Variants in CDK6 observed in about 807,000 individuals in gnomAD.
CDK6 encodes cyclin dependent kinase 6.
CDK6 carries 6 observed loss-of-function variants against 37.1 expected under a neutral mutation model. That is an observed-to-expected ratio of 0.16 (90% CI 0.09 to 0.32). The LOEUF is 0.32. Among genes scored for constraint, CDK6 ranks in the 10% least tolerant of loss-of-function variants. The probability of loss-of-function intolerance (pLI) is 1.00; values close to 1 mark genes in which losing one functional copy is unlikely to be tolerated. For synonymous variants in CDK6, 160 were observed against 161.3 expected (o/e 0.99, Z 0.06); for missense variants, 224 against 418.9 (o/e 0.53, Z 4.06).
intron 5 of CDK6, among the ~76,000 whole-genome samples, chr7:92,624,839 CAGG>C (rs1795888906): frequency 6.6e-6 from 1 of 152,094 alleles, no homozygotes; most frequent in African/African-American, 2.4e-5. Context: ...ACAAAAATTC[CAGG>C]AGAAATGTAG....
Position 92,833,590 on chromosome 7 carries a change from G to GCGAGCCGAT in CDK6, c.-276_-268dup, listed in dbSNP as rs1378007598. The stretch of plus-strand genomic sequence containing the variant: ...CGCCGCCGCCGCCGCCGCCGGAGGA[G>GCGAGCCGAT]CGAGCCGATCCCTCCTCTTCCCTCC... On this transcript the variant is annotated 5_prime_UTR_variant, in exon 2 of 8. Coordinates refer to ENST00000424848, the MANE Select transcript of CDK6 (RefSeq NM_001145306.2). The surrounding 1 kb of genome is among the most constrained non-coding windows in gnomAD (Gnocchi z 6.1). 19 of 546,342 alleles carry GCGAGCCGAT rather than the reference G, an allele frequency of 3.5e-5. No homozygotes were observed. In the African/African-American group the frequency reaches 3.8e-4, roughly 11 times the overall value. The allele number at this position is 546,342 out of a possible 1,614,324, so 33.8% of individuals were successfully genotyped here. A position where few individuals can be genotyped will look rare whatever the true frequency, so the allele number is the denominator to read the frequency against.
chr7:92,651,113 C>A (rs1216498696), intron 5 of CDK6, among the ~76,000 whole-genome samples: 2 of 152,186 alleles, frequency 1.3e-5, no homozygotes, highest in Non-Finnish European at 2.9e-5. Context: ...TGGTCTCGAT[C>A]TCCTGACTTC....
intron 4 of CDK6, among the ~76,000 whole-genome samples, chr7:92,720,675 C>T (rs189809084): frequency 3.0e-4 from 45 of 152,308 alleles, no homozygotes; most frequent in African/African-American, 1.0e-3. Flanking sequence ...CCTGGCTCTG[C>T]TCTAAGACAT....
intron 2 of CDK6, among the ~76,000 whole-genome samples, chr7:92,798,960 T>A (rs1442565006): frequency 6.6e-6 from 1 of 152,170 alleles, no homozygotes; most frequent in East Asian, 1.9e-4. Context: ...GAACTGTGCC[T>A]CTCCACAATA....
intron 5 of CDK6, among the ~76,000 whole-genome samples, chr7:92,666,878 AC>A (rs1438310767): frequency 6.6e-6 from 1 of 152,236 alleles, no homozygotes; most frequent in African/African-American, 2.4e-5. Flanking sequence ...TTTAGAGTGT[AC>A]TACTACTTAT....
intron 3 of CDK6, among the ~76,000 whole-genome samples, chr7:92,745,582 A>G (rs1799039206): frequency 6.6e-6 from 1 of 152,222 alleles, no homozygotes; most frequent in South Asian, 2.1e-4. Flanking sequence ...AGAACTGATC[A>G]AATGTGGTAC....
At chr7:92,825,335 A>C (rs1173401319) in intron 2 of CDK6, among the ~76,000 whole-genome samples, 1 of 152,164 alleles carries the variant, frequency 6.6e-6, no homozygotes, top group Non-Finnish European at 1.5e-5. Flanking sequence ...GTCATTTAGA[A>C]ATACTTATTC....
Position 92,781,541 on chromosome 7 carries a change from G to A in CDK6, c.234-6710C>T, listed in dbSNP as rs529301854. On this transcript the variant is annotated intron_variant, in intron 2 of 7. Coordinates refer to ENST00000424848, the MANE Select transcript of CDK6 (RefSeq NM_001145306.2). ...ATTTCCAAAGATTACAATTTACAAA[G>A]GTCTCCCAAACAACATGCTTTGTAA... Among the ~76,000 whole-genome samples, 30 of 152,260 alleles carry A rather than the reference G, an allele frequency of 2.0e-4. No homozygotes were observed. In the East Asian group the frequency reaches 4.1e-3, roughly 21 times the overall value.
At chr7:92,690,158 T>C (rs11533993) in intron 4 of CDK6, among the ~76,000 whole-genome samples, 9,054 of 152,276 alleles carry the variant, frequency 0.059, 564 homozygotes, top group East Asian at 0.33. Flanking sequence ...TTTGCTTCTG[T>C]TGCAATTGCT....
chr7:92,816,712 T>C (rs1233986219), intron 2 of CDK6, among the ~76,000 whole-genome samples: 4 of 151,410 alleles, frequency 2.6e-5, no homozygotes, highest in African/African-American at 9.7e-5. Context: ...GAAAAGAAGA[T>C]AAAAACAAAA....
At chr7:92,657,615 G>A (rs1585374815) in intron 5 of CDK6, among the ~76,000 whole-genome samples, 1 of 152,056 alleles carries the variant, frequency 6.6e-6, no homozygotes, top group Non-Finnish European at 1.5e-5. Flanking sequence ...CTACCCAACT[G>A]ATAAAAAGGA....
chr7:92,787,886 G>A, intron 2 of CDK6, among the ~76,000 whole-genome samples: 1 of 151,574 alleles, frequency 6.6e-6, no homozygotes. Context: ...AATAAAGCTT[G>A]GTCAAAAATA....
chr7:92,713,368 G>A (rs1227722976), intron 4 of CDK6, among the ~76,000 whole-genome samples: 1 of 151,986 alleles, frequency 6.6e-6, no homozygotes, highest in Non-Finnish European at 1.5e-5. Flanking sequence ...CTTTGCCAAA[G>A]CCCATATGCA....
At chr7:92,672,405 TAA>T (rs1400242236) in intron 4 of CDK6, among the ~76,000 whole-genome samples, 11 of 151,192 alleles carry the variant, frequency 7.3e-5, no homozygotes, top group Admixed American at 2.0e-4. Context: ...GGGAAGAACT[TAA>T]GAGAGAATGT....
intron 2 of CDK6, among the ~76,000 whole-genome samples, chr7:92,815,767 G>A (rs1362420762): frequency 6.6e-6 from 1 of 152,140 alleles, no homozygotes; most frequent in Non-Finnish European, 1.5e-5. Context: ...AAATCTACAT[G>A]GGGTCTATTG....
At chr7:92,631,760 T>A (rs1268879827) in intron 5 of CDK6, among the ~76,000 whole-genome samples, 1 of 152,148 alleles carries the variant, frequency 6.6e-6, no homozygotes, top group Non-Finnish European at 1.5e-5. Context: ...GTCTGGTTGG[T>A]AGCGATAGGC....
rs770520347 is a variant in CDK6 at position 92,615,113 on chromosome 7, G to A, written c.*27C>T. 6.2e-6 allele frequency: 10 copies of A among 1,612,336 alleles called. No individual in the cohort carries two copies. The Admixed American group carries it at 1.7e-4, about 27-fold the overall frequency. On this transcript the variant is annotated 3_prime_UTR_variant, in exon 8 of 8. Coordinates refer to ENST00000424848, the MANE Select transcript of CDK6 (RefSeq NM_001145306.2). The stretch of plus-strand genomic sequence containing the variant: ...AAGCCACCAAGGGTGTTCTCCGCAG[G>A]ATCAGCTTAAGGCGGCTGCTGAGGC...
chr7:92,667,831 C>T (rs1438938611), intron 5 of CDK6, among the ~76,000 whole-genome samples: 1 of 151,378 alleles, frequency 6.6e-6, no homozygotes, highest in African/African-American at 2.4e-5. Flanking sequence ...GCATTACAGG[C>T]GTGAGCCACT....
In CDK6 at chr7:92,671,458, A is replaced by C; in HGVS notation, c.615T>G (p.Val205=). The C allele has an allele frequency of 4.4e-6, 7 of 1,579,296 alleles. No homozygotes were observed. Among genetic ancestry groups the C allele is most frequent in the Non-Finnish European group, 6.0e-6 (7 of 1,162,840 alleles). The part of the protein sequence containing the change: ...SYATPVDLWS[V]GCIFAEMFRR... The stretch of plus-strand genomic sequence containing the variant: ...GAAACATTTCTGCAAATATGCAGCC[A>C]ACACTCCAGAGATCCACGGGGGTGG... The change falls in exon 5 of 8, where the codon GTT becomes GTG. Residue 205 remains valine, a synonymous_variant. Transcript: ENST00000424848.
Sources: allele counts gnomAD v4.1 joint callset (sites outside exome capture counted in the v4.1 genomes callset), GRCh38; gene constraint gnomAD v4.1.1; non-coding constraint Gnocchi (gnomAD v3.1); transcripts MANE v1.5; gene names NCBI Gene and HGNC (gene_info 2026-07-23, HGNC 2026-07-21).